The following MARCO variants were observed in gnomAD, a reference collection of about 807,000 sequenced individuals.
MARCO encodes macrophage receptor MARCO.
Under a neutral mutation model 70.0 loss-of-function variants are expected in MARCO, and 72 were observed. The observed-to-expected ratio is 1.03, with a 90% CI of 0.85 to 1.25. The LOEUF (loss-of-function observed/expected upper bound fraction) is 1.25. MARCO is among the 50% of genes most tolerant of loss of function. MARCO has a pLI of 0.00. For missense variants in MARCO, 696 were observed against 659.3 expected, an observed-to-expected ratio of 1.06 and a Z score of -0.61; for synonymous variants, 273 against 243.1, an observed-to-expected ratio of 1.12 and a Z score of -1.14.
intron 1 of MARCO, among the ~76,000 whole-genome samples, chr2:118,965,274 GT>G (rs1680023733): frequency 6.6e-6 from 1 of 152,114 alleles, no homozygotes; most frequent in African/African-American, 2.4e-5. Context: ...TTTCAGACGT[GT>G]AATTTCTATT....
At chr2:118,945,404 C>CTTTTTTTTTTTTTTTTTTTTT (rs55684033) in intron 1 of MARCO, among the ~76,000 whole-genome samples, 2 of 123,066 alleles carry the variant, frequency 1.6e-5, no homozygotes, top group Non-Finnish European at 1.7e-5. Flanking sequence ...CCTCTTGTTT[C>CTTTTTTTTTTTTTTTTTTTTT]TTTTTTTTTT....
intron 3 of MARCO, among the ~76,000 whole-genome samples, chr2:118,971,029 C>T (rs1680158198): frequency 6.6e-6 from 1 of 152,192 alleles, no homozygotes; most frequent in African/African-American, 2.4e-5. Flanking sequence ...GAGGCCAATC[C>T]CTCCAGAGGC....
intron 6 of MARCO, among the ~76,000 whole-genome samples, chr2:118,976,066 G>C (rs903773867): frequency 4.6e-5 from 7 of 152,080 alleles, no homozygotes; most frequent in Admixed American, 4.6e-4. Context: ...ACTGAGGCTG[G>C]CTTGAAGGGA....
At chr2:118,965,309 T>C (rs1680024701) in intron 1 of MARCO, among the ~76,000 whole-genome samples, 1 of 152,240 alleles carries the variant, frequency 6.6e-6, no homozygotes, top group African/African-American at 2.4e-5. Context: ...GTTAACTGAT[T>C]CTTTCCTCTG....
chr2:118,971,175 G>C (rs578181297), intron 3 of MARCO, among the ~76,000 whole-genome samples: 1 of 152,228 alleles, frequency 6.6e-6, no homozygotes, highest in Admixed American at 6.5e-5. Context: ...AAATGTGAAG[G>C]AGCTCATTTT....
intron 1 of MARCO, among the ~76,000 whole-genome samples, chr2:118,964,579 C>A (rs1680007795): frequency 6.6e-6 from 1 of 152,146 alleles, no homozygotes; most frequent in Non-Finnish European, 1.5e-5. Flanking sequence ...TGATGAGAAA[C>A]TTTCTGTCAT....
intron 1 of MARCO, among the ~76,000 whole-genome samples, chr2:118,964,183 A>G (rs562410096): frequency 5.6e-4 from 85 of 152,266 alleles, no homozygotes; most frequent in Admixed American, 1.0e-3. Flanking sequence ...TTTAAATATA[A>G]TTGTCATTTT....
chr2:118,986,683 A>AAGAAAGAAAGAAAG (rs1680508871), intron 12 of MARCO, among the ~76,000 whole-genome samples: 1 of 62,024 alleles, frequency 1.6e-5, no homozygotes, highest in Admixed American at 1.6e-4. Context: ...GAAAGAAAGA[A>AAGAAAGAAAGAAAG]AGAAAGAAAG....
intron 1 of MARCO, among the ~76,000 whole-genome samples, chr2:118,948,961 A>C (rs142372292): frequency 6.6e-6 from 1 of 152,264 alleles, no homozygotes; most frequent in African/African-American, 2.4e-5. Context: ...CAGGTGTATG[A>C]ATAAGGGTGG....
chr2:118,980,854 G>C (rs367747822), intron 8 of MARCO, among the ~76,000 whole-genome samples: 13 of 152,164 alleles, frequency 8.5e-5, no homozygotes, highest in African/African-American at 3.1e-4. Flanking sequence ...AAGAGAGGAG[G>C]GAGCGACAGA....
chr2:118,968,848 C>G (rs1680106983), intron 1 of MARCO, among the ~76,000 whole-genome samples: 1 of 152,158 alleles, frequency 6.6e-6, no homozygotes, highest in Non-Finnish European at 1.5e-5. Flanking sequence ...AGATTGAGAA[C>G]CCAACAGGGC....
At chr2:118,991,970 T>C (rs767426175) in intron 14 of MARCO, 95 bp downstream of exon 14, 1 of 929,236 alleles carries the variant, frequency 1.1e-6, no homozygotes, top group Non-Finnish European at 1.6e-6. Flanking sequence ...TTAAGAGTTC[T>C]GGGGATTTTC....
At chr2:118,991,038 C>T (rs1680612720) in intron 13 of MARCO, among the ~76,000 whole-genome samples, 1 of 152,136 alleles carries the variant, frequency 6.6e-6, no homozygotes, top group Admixed American at 6.5e-5. Context: ...CAAGCTTCTC[C>T]TCTCTGCCTC....
chr2:118,991,754 C>G (rs1680625319), intron 13 of MARCO, 23 bp from the exon 14 acceptor site: 1 of 1,463,456 alleles, frequency 6.8e-7, no homozygotes, highest in African/African-American at 1.4e-5. Context: ...GGCACCTGAT[C>G]AGGGCAGTGT....
chr2:118,972,958 G>C (rs923762637), intron 4 of MARCO, among the ~76,000 whole-genome samples: 1 of 151,686 alleles, frequency 6.6e-6, no homozygotes, highest in African/African-American at 2.4e-5. Context: ...CTCTCTCTCT[G>C]TATGAATATA....
rs1200960269 is a variant in MARCO, at chr2:118,982,401, G to C, written c.1054G>C (p.Gly352Arg). The stretch of plus-strand genomic sequence containing the variant: ...AGCCACAGGCCTGAAAGGAAGCAAA[G>C]GGGACACAGGTAACAGAGGGTGCAG... Reference protein sequence around the residue: ...PGATGLKGSKGDTGLQGQQGR... With the variant: ...PGATGLKGSKRDTGLQGQQGR... Residue 352 changes from glycine (G) to arginine (R), a missense_variant, in exon 12 of 17, where the codon GGG becomes CGG. This residue lies in a region of MARCO where 605 missense variants were observed against 537.6 expected (regional missense o/e 1.13). Transcript: ENST00000327097. 2.5e-6 allele frequency: 4 copies of C among 1,613,916 alleles called. No individual in the cohort carries two copies. Among genetic ancestry groups the C allele is most frequent in the African/African-American group, 2.7e-5 (2 of 74,886 alleles).
intron 6 of MARCO, among the ~76,000 whole-genome samples, chr2:118,977,100 A>G (rs1437618291): frequency 6.6e-6 from 1 of 152,212 alleles, no homozygotes; most frequent in Non-Finnish European, 1.5e-5. Context: ...CCATCTTGCC[A>G]GATGGGATTA....
At chr2:118,970,630 G>C (rs1259757955) in intron 3 of MARCO, among the ~76,000 whole-genome samples, 1 of 152,216 alleles carries the variant, frequency 6.6e-6, no homozygotes, top group African/African-American at 2.4e-5. Flanking sequence ...CACCAAACTA[G>C]TTCAGACAAT....
intron 12 of MARCO, among the ~76,000 whole-genome samples, chr2:118,986,592 A>AGAAAGAAAGAAAGAAAGAAAGAAG (rs1680491360): frequency 9.1e-5 from 1 of 10,956 alleles, no homozygotes; most frequent in Non-Finnish European, 1.5e-4. Flanking sequence ...GAAAGAAGAA[A>AGAAAGAAAGAAAGAAAGAAAGAAG]GAAAGAAAGA....
Sources: allele counts gnomAD v4.1 joint callset (sites outside exome capture counted in the v4.1 genomes callset), GRCh38; gene constraint gnomAD v4.1.1; regional missense constraint gnomAD v4.1.1; transcripts MANE v1.5; gene names NCBI Gene and HGNC (gene_info 2026-07-23, HGNC 2026-07-21).